Variants in KCNH8 observed in about 807,000 individuals in gnomAD.
KCNH8 encodes the protein potassium voltage-gated channel subfamily H member 8.
A neutral mutation model predicts 103.6 loss-of-function variants in KCNH8; 70 were observed. The observed-to-expected ratio is 0.68, with a 90% CI of 0.56 to 0.82. The LOEUF (loss-of-function observed/expected upper bound fraction) is 0.82. Among genes scored for constraint, KCNH8 ranks in the 40% least tolerant of loss-of-function variants. The probability of loss-of-function intolerance (pLI) is 0.00; values close to 1 mark genes in which losing one functional copy is unlikely to be tolerated. For missense variants in KCNH8, 1,217 were observed against 1,329.9 expected, an observed-to-expected ratio of 0.92 and a Z score of 1.32; for synonymous variants, 498 against 489.4, an observed-to-expected ratio of 1.02 and a Z score of -0.23.
At chr3:19,506,921 A>G (rs1559363389) in intron 11 of KCNH8, among the ~76,000 whole-genome samples, 1 of 152,114 alleles carries the variant, frequency 6.6e-6, no homozygotes, top group African/African-American at 2.4e-5. Flanking sequence ...GCAGCTTCCT[A>G]GAAGTGTGGT....
intron 7 of KCNH8, among the ~76,000 whole-genome samples, chr3:19,398,680 CA>C (rs1384184728): frequency 6.6e-6 from 1 of 151,842 alleles, no homozygotes; most frequent in Non-Finnish European, 1.5e-5. Context: ...TGTAAACTGA[CA>C]ATAATAATAG....
intron 3 of KCNH8, among the ~76,000 whole-genome samples, chr3:19,325,910 C>T (rs569907617): frequency 9.3e-4 from 141 of 152,116 alleles, no homozygotes; most frequent in Non-Finnish European, 1.8e-3. Flanking sequence ...AAGCATTATT[C>T]GCAATAGCAA....
chr3:19,259,140 G>C (rs189867765), intron 2 of KCNH8, among the ~76,000 whole-genome samples: 4 of 150,650 alleles, frequency 2.7e-5, no homozygotes, highest in Non-Finnish European at 3.0e-5. Context: ...TTCTCACGTC[G>C]CCATCAAGGT....
rs138946802 is a variant in KCNH8, at chr3:19,155,739, A to G, written c.76+6944A>G. ...AGATCCATCCTAAAGATTACATTCTATCAAACTCCTTCTCTGAGGCTCCGA... is the reference window on the plus strand; with the variant it reads ...AGATCCATCCTAAAGATTACATTCTGTCAAACTCCTTCTCTGAGGCTCCGA... On this transcript the variant is annotated intron_variant, in intron 1 of 15. Coordinates refer to ENST00000328405, the MANE Select transcript of KCNH8 (RefSeq NM_144633.3). Among the ~76,000 whole-genome samples the G allele has an allele frequency of 3.9e-5, 6 of 152,322 alleles. No individual in the cohort carries two copies. The East Asian group carries it at 1.2e-3, about 29-fold the overall frequency.
intron 11 of KCNH8, among the ~76,000 whole-genome samples, chr3:19,489,295 A>C (rs1490200322): frequency 6.6e-6 from 1 of 151,804 alleles, no homozygotes; most frequent in Non-Finnish European, 1.5e-5. Context: ...GACAGACAGG[A>C]CTTTTGGTGC....
chr3:19,195,898 T>A (rs529551385), intron 1 of KCNH8, among the ~76,000 whole-genome samples: 2 of 152,152 alleles, frequency 1.3e-5, no homozygotes, highest in African/African-American at 4.8e-5. Flanking sequence ...CCAGCTAAGA[T>A]CTTTCCTGTG....
chr3:19,239,408 C>G (rs2064106907), intron 1 of KCNH8, among the ~76,000 whole-genome samples: 1 of 152,168 alleles, frequency 6.6e-6, no homozygotes, highest in African/African-American at 2.4e-5. Flanking sequence ...TCTCATAGCT[C>G]TCTTTTAATA....
intron 3 of KCNH8, among the ~76,000 whole-genome samples, chr3:19,285,905 G>A (rs1181014592): frequency 6.6e-6 from 1 of 152,140 alleles, no homozygotes; most frequent in Non-Finnish European, 1.5e-5. Context: ...AAGATAGAGC[G>A]GGTCAGCAAG....
intron 11 of KCNH8, among the ~76,000 whole-genome samples, chr3:19,462,668 G>A (rs2067657295): frequency 1.3e-5 from 2 of 152,066 alleles, no homozygotes; most frequent in South Asian, 4.1e-4. Flanking sequence ...TGTCAATTTT[G>A]GCTTTTGTTG....
Position 19,419,446 on chromosome 3 carries a change from C to T in KCNH8, c.1178-18718C>T, listed in dbSNP as rs187911150. ...CGATCTCCTGACCTCGTGATCCGCC[C>T]GCCTCGGCCTCCCAAAGTGCTGGGA... On this transcript the variant is annotated intron_variant, in intron 7 of 15. Transcript: ENST00000328405. Among the ~76,000 whole-genome samples the T allele has an allele frequency of 1.1e-3, 166 of 151,416 alleles. 1 individual carries two copies. The highest frequency in any genetic ancestry group is 2.0e-3 in the Non-Finnish European group (135 of 67,846).
At chr3:19,498,137 T>C (rs1011851826) in intron 11 of KCNH8, among the ~76,000 whole-genome samples, 2 of 152,182 alleles carry the variant, frequency 1.3e-5, no homozygotes, top group Non-Finnish European at 2.9e-5. Context: ...TTGTCACTGC[T>C]TGTGAGATGC....
chr3:19,187,635 CAGAT>C (rs925027862), intron 1 of KCNH8, among the ~76,000 whole-genome samples: 1 of 152,110 alleles, frequency 6.6e-6, no homozygotes, highest in African/African-American at 2.4e-5. Context: ...ATATTTGAAA[CAGAT>C]AGCTTTCCTT....
intron 8 of KCNH8, among the ~76,000 whole-genome samples, chr3:19,442,022 G>A (rs2067291743): frequency 6.6e-6 from 1 of 152,208 alleles, no homozygotes; most frequent in African/African-American, 2.4e-5. Flanking sequence ...AAGTTCAGAA[G>A]CAGTGAGAGT....
intron 11 of KCNH8, among the ~76,000 whole-genome samples, chr3:19,481,520 T>C (rs934279247): frequency 3.3e-5 from 5 of 152,170 alleles, no homozygotes; most frequent in Non-Finnish European, 7.4e-5. Flanking sequence ...CTTCAAAACA[T>C]TTAAAACTTC....
intron 3 of KCNH8, among the ~76,000 whole-genome samples, chr3:19,288,181 C>CTTTTTTTTTTTCTTTTTTTTTTTTT (rs2064861256): frequency 5.2e-5 from 2 of 38,176 alleles, no homozygotes; most frequent in African/African-American, 1.9e-4. Context: ...TATCAAACTT[C>CTTTTTTTTTTTCTTTTTTTTTTTTT]TTTTTTTTTT....
At chr3:19,508,099 G>C (rs1168647414) in intron 11 of KCNH8, among the ~76,000 whole-genome samples, 1 of 152,162 alleles carries the variant, frequency 6.6e-6, no homozygotes, top group East Asian at 1.9e-4. Context: ...AAGCCTACTT[G>C]ATCATGCTGT....
intron 1 of KCNH8, among the ~76,000 whole-genome samples, chr3:19,211,887 G>T (rs187442648): frequency 2.0e-5 from 3 of 152,264 alleles, no homozygotes; most frequent in Non-Finnish European, 2.9e-5. Flanking sequence ...ACAAATAATA[G>T]TACTAGTGTT....
intron 2 of KCNH8, among the ~76,000 whole-genome samples, chr3:19,272,653 G>T (rs2064605517): frequency 6.6e-6 from 1 of 152,036 alleles, no homozygotes; most frequent in Admixed American, 6.6e-5. Flanking sequence ...AAGAAGACCT[G>T]GAATAACACA....
At chr3:19,362,215 TACAC>T (rs1176185833) in intron 5 of KCNH8, among the ~76,000 whole-genome samples, 2 of 152,144 alleles carry the variant, frequency 1.3e-5, no homozygotes, top group African/African-American at 2.4e-5. Context: ...TATTTTTCCA[TACAC>T]ACAGGAGTCT....
Sources: gnomAD v4.1 joint callset for allele counts (sites outside exome capture counted in the v4.1 genomes callset) on GRCh38, gnomAD v4.1.1 for gene constraint, MANE v1.5 for transcripts, NCBI Gene and HGNC (gene_info 2026-07-23, HGNC 2026-07-21) for gene names.